Variants in SLC9A3 observed in about 807,000 individuals in gnomAD.
The protein encoded by SLC9A3 is sodium/hydrogen exchanger 3.
A neutral mutation model predicts 86.8 loss-of-function variants in SLC9A3; 37 were observed. The observed-to-expected ratio is 0.43, with a 90% CI of 0.33 to 0.56. The LOEUF is 0.56. SLC9A3 is among the 20% of genes least tolerant of loss of function. SLC9A3 has a pLI of 0.06. For synonymous variants in SLC9A3, 581 were observed against 528.3 expected (o/e 1.10, Z -1.37); for missense variants, 1,011 against 1,171.9 (o/e 0.86, Z 2.00).
At chr5:513,137 G>A (rs1016140793) in intron 1 of SLC9A3, among the ~76,000 whole-genome samples, 1 of 152,166 alleles carries the variant, frequency 6.6e-6, no homozygotes, top group Non-Finnish European at 1.5e-5. Context: ...TGTGAGCTGC[G>A]TGGTGTGGGC....
intron 1 of SLC9A3, among the ~76,000 whole-genome samples, chr5:514,400 CAG>C (rs1006448632): frequency 4.6e-5 from 7 of 152,226 alleles, no homozygotes; most frequent in African/African-American, 1.7e-4. Flanking sequence ...CTCACCTCTG[CAG>C]AGTCACCCAA....
intron 1 of SLC9A3, among the ~76,000 whole-genome samples, chr5:494,791 G>A (rs4956939): frequency 1.1e-4 from 17 of 152,098 alleles, no homozygotes; most frequent in African/African-American, 3.6e-4. Context: ...TAGCAAAGCC[G>A]GGCACAGCCG....
At chr5:485,292 G>A (rs904598138) in intron 3 of SLC9A3, 61 bp from the exon 4 acceptor site, 3 of 1,400,662 alleles carry the variant, frequency 2.1e-6, no homozygotes, top group Non-Finnish European at 2.0e-6. Flanking sequence ...CCTCTCCGGG[G>A]CCCGGGCCTC....
intron 12 of SLC9A3, 30 bp downstream of exon 12, chr5:476,513 G>A (rs777267775): frequency 2.5e-6 from 4 of 1,607,074 alleles, no homozygotes; most frequent in Non-Finnish European, 3.4e-6. Context: ...TCCCTGCGGG[G>A]TCCTCCAGCC....
Position 477,314 on chromosome 5 carries a change from A to G in SLC9A3, c.1760+18T>C, listed in dbSNP as rs780075015. The G allele has an allele frequency of 7.8e-6, 12 of 1,545,588 alleles. 1 individual carries two copies. The highest frequency in any genetic ancestry group is 6.8e-5 in the South Asian group (6 of 88,378). ...CTGGGCTCTTCCCCAGGGAAGCTGCATGACCATGGCCACATACAGGAGGTA... is the reference window on the plus strand; with the variant it reads ...CTGGGCTCTTCCCCAGGGAAGCTGCGTGACCATGGCCACATACAGGAGGTA... On this transcript the variant is annotated intron_variant, in intron 11 of 16. Transcript: ENST00000264938.
In SLC9A3 at chr5:477,438, G is replaced by A. The variant is rs536043517; in HGVS notation, c.1654C>T (p.Arg552Cys). 13 of 1,610,686 alleles carry A rather than the reference G, an allele frequency of 8.1e-6. No individual in the cohort carries two copies. The highest frequency in any genetic ancestry group is 4.0e-5 in the African/African-American group (3 of 74,830). Reference sequence around the variant, plus strand: ...CGGATGAAGGCCAGGGACCCGCGGCGCTCTCCCTGTGGTCAGGAAGCAGCC... The same window carrying A: ...CGGATGAAGGCCAGGGACCCGCGGCACTCTCCCTGTGGTCAGGAAGCAGCC... ...DAISYVAEGE[R>C]RGSLAFIRSP... is the part of the protein sequence containing the mutation. Residue 552 changes from arginine (R) to cysteine (C), a missense_variant, in exon 11 of 17, where the codon CGC (arginine) becomes TGC (cysteine). Transcript: ENST00000264938.
In SLC9A3 at chr5:482,844, G is replaced by A. The variant is rs560175178; in HGVS notation, c.1154-94C>T. The A allele has an allele frequency of 9.3e-5, 94 of 1,006,820 alleles. No homozygotes were observed. The African/African-American group carries it at 1.4e-3, about 15-fold the overall frequency. 62.4% of individuals were successfully genotyped at this position (1,006,820 alleles called of 1,614,324 possible). ...GGACAGCGTCTTGGCGGCCAAGCAT[G>A]TGCTGACGAAGAACAGCGGCACCCT... On this transcript the variant is annotated intron_variant, in intron 6 of 16. Coordinates refer to ENST00000264938, the MANE Select transcript of SLC9A3 (RefSeq NM_004174.4).
intron 15 of SLC9A3, chr5:475,348 C>T (rs11743825): frequency 0.31 from 192,164 of 619,068 alleles, 35,013 homozygotes; most frequent in Non-Finnish European, 0.39. Context: ...CAAGACATAC[C>T]CCACCTGCTC....
At position 479,971 on chromosome 5, in the gene SLC9A3, G is replaced by C; in HGVS notation, c.1518-6C>G. The C allele has an allele frequency of 6.2e-7, 1 of 1,612,772 alleles. No homozygotes were observed. Among genetic ancestry groups the C allele is most frequent in the Non-Finnish European group, 8.5e-7 (1 of 1,179,188 alleles). The stretch of plus-strand genomic sequence containing the variant: ...TCCTGTCGAAGTGGGACCACCTGTA[G>C]GGACAGACCTTGGGTGTGAGCCTCA... On this transcript the variant is annotated splice_region_variant and splice_polypyrimidine_tract_variant and intron_variant, in intron 9 of 16. Coordinates refer to ENST00000264938, the MANE Select transcript of SLC9A3 (RefSeq NM_004174.4).
chr5:499,981 G>A (rs1740187697), intron 1 of SLC9A3, among the ~76,000 whole-genome samples: 1 of 152,246 alleles, frequency 6.6e-6, no homozygotes, highest in Non-Finnish European at 1.5e-5. Context: ...ACAGGCGCAG[G>A]GCACAGCCTC....
intron 2 of SLC9A3, among the ~76,000 whole-genome samples, chr5:489,800 G>A (rs1040038100): frequency 8.5e-5 from 13 of 152,278 alleles, no homozygotes; most frequent in South Asian, 4.1e-4. Context: ...GGGGTCGGCC[G>A]CGTTCAGACT....
chr5:493,623 C>A lies in SLC9A3; in HGVS notation c.212-1552G>T, dbSNP rs1216956509. Among the ~76,000 whole-genome samples, 7 of 152,368 alleles carry A rather than the reference C, an allele frequency of 4.6e-5. No individual in the cohort carries two copies. The East Asian group carries it at 1.2e-3, about 25-fold the overall frequency. Reference sequence around the variant, plus strand: ...GGGAGGGTGGCAGGCACAAGCTCCGCACCTGCCCGGCCACCAGCACTGCAC... The same window carrying A: ...GGGAGGGTGGCAGGCACAAGCTCCGAACCTGCCCGGCCACCAGCACTGCAC... On this transcript the variant is annotated intron_variant, in intron 1 of 16. Transcript: ENST00000264938.
intron 1 of SLC9A3, among the ~76,000 whole-genome samples, chr5:506,014 C>G (rs937006058): frequency 1.3e-5 from 2 of 151,976 alleles, no homozygotes; most frequent in Non-Finnish European, 2.9e-5. Flanking sequence ...CTTCAGGTCT[C>G]GCTGACCTTT....
chr5:475,172 C>T lies in SLC9A3; in HGVS notation c.2252-40G>A, dbSNP rs746919290. 8.5e-6 allele frequency: 13 copies of T among 1,527,754 alleles called. No individual in the cohort carries two copies. In the East Asian group the frequency reaches 9.1e-5, roughly 11 times the overall value. 94.6% of individuals were successfully genotyped at this position (1,527,754 alleles called of 1,614,324 possible). ...AGCGGCTAGTCAGCCTTCGGAGAGC[C>T]CCACGGCGGCAGGGGAGACCTCGCC... On this transcript the variant is annotated intron_variant, in intron 15 of 16. Transcript: ENST00000264938.
At position 471,803 on chromosome 5, in the gene SLC9A3, T is replaced by G. The variant is rs1248580975; in HGVS notation, c.*1576A>C. The G allele has an allele frequency of 6.6e-6, 3 of 456,568 alleles. No individual in the cohort carries two copies. The East Asian group carries it at 2.1e-4, about 31-fold the overall frequency. 28.3% of individuals were successfully genotyped at this position (456,568 alleles called of 1,614,324 possible). A position where few individuals can be genotyped will look rare whatever the true frequency, so the allele number is the denominator to read the frequency against. On this transcript the variant is annotated 3_prime_UTR_variant, in exon 17 of 17. Transcript: ENST00000264938. Reference sequence around the variant, plus strand: ...TCTCCGAAGCAGCGGTCATGCAGGCTTTTGTGTGGCTGACGCTTCCCTTTT... The same window carrying G: ...TCTCCGAAGCAGCGGTCATGCAGGCGTTTGTGTGGCTGACGCTTCCCTTTT...
At chr5:486,565 C>T (rs191612582) in intron 3 of SLC9A3, among the ~76,000 whole-genome samples, 1,726 of 152,298 alleles carry the variant, frequency 0.011, 20 homozygotes, top group Middle Eastern at 0.024. Context: ...ACACACCGTC[C>T]GGGCTCTGCC....
intron 3 of SLC9A3, among the ~76,000 whole-genome samples, chr5:487,583 C>T (rs1196099392): frequency 6.6e-6 from 1 of 151,740 alleles, no homozygotes; most frequent in Non-Finnish European, 1.5e-5. Context: ...CACCCACCGT[C>T]GTTCAAGGCA....
chr5:504,487 C>T (rs933989469), intron 1 of SLC9A3, among the ~76,000 whole-genome samples: 1 of 152,214 alleles, frequency 6.6e-6, no homozygotes, highest in African/African-American at 2.4e-5. Context: ...CAGCCTCCTC[C>T]AGTGTGTCCG....
chr5:480,131 G>A (rs1006669293), intron 9 of SLC9A3, 166 bp from the exon 10 acceptor site: 20 of 667,938 alleles, frequency 3.0e-5, no homozygotes, highest in Non-Finnish European at 3.7e-5. Flanking sequence ...GCCGTCCGCC[G>A]TTCTCCCGCC....
Sources: allele counts gnomAD v4.1 joint callset (sites outside exome capture counted in the v4.1 genomes callset), GRCh38; gene constraint gnomAD v4.1.1; transcripts MANE v1.5; gene names NCBI Gene and HGNC (gene_info 2026-07-23, HGNC 2026-07-21).